CSMD3: variants seen among roughly 807,000 people sequenced by gnomAD.
CSMD3 encodes CUB and sushi domain-containing protein 3.
CSMD3 carries 177 observed loss-of-function variants against 435.2 expected under a neutral mutation model. The ratio of observed to expected loss-of-function variants is 0.41; its 90% CI spans 0.36 to 0.46. The LOEUF is 0.46. Among genes scored for constraint, CSMD3 ranks in the 20% least tolerant of loss-of-function variants. The probability of loss-of-function intolerance (pLI) is 0.34; values close to 1 mark genes in which losing one functional copy is unlikely to be tolerated. For missense variants in CSMD3, 4,265 were observed against 4,504.6 expected, an observed-to-expected ratio of 0.95 and a Z score of 1.52; for synonymous variants, 1,656 against 1,520.5, an observed-to-expected ratio of 1.09 and a Z score of -2.07.
At position 112,224,134 on chromosome 8, in the gene CSMD3, C is replaced by G. The variant is rs1290379090; in HGVS notation, c.*637G>C. On this transcript the variant is annotated 3_prime_UTR_variant, in exon 71 of 71. Transcript: ENST00000297405. ...TGCCCTTTGCAGAAACTATGACAAC[C>G]AGTCTAAAAGAAGAAGAGCAATATG... is the stretch of plus-strand genomic sequence containing the variant. 1 of 153,766 alleles carries G rather than the reference C, an allele frequency of 6.5e-6. No individual in the cohort carries two copies. Among genetic ancestry groups the G allele is most frequent in the African/African-American group, 2.4e-5 (1 of 41,404 alleles). 9.5% of individuals were successfully genotyped at this position (153,766 alleles called of 1,614,324 possible).
At chr8:112,755,924 A>G (rs1026743224) in intron 13 of CSMD3, among the ~76,000 whole-genome samples, 3 of 151,316 alleles carry the variant, frequency 2.0e-5, no homozygotes, top group Non-Finnish European at 4.4e-5. Flanking sequence ...ATTTTATTTT[A>G]TTTTATTTTA....
chr8:112,822,685 C>T (rs1032780407), intron 12 of CSMD3, among the ~76,000 whole-genome samples: 5 of 151,994 alleles, frequency 3.3e-5, no homozygotes, highest in East Asian at 1.9e-4. Context: ...TGAATAGGAG[C>T]GGTGAGAGAG....
intron 22 of CSMD3, among the ~76,000 whole-genome samples, chr8:112,608,455 A>G (rs1291020444): frequency 6.6e-6 from 1 of 152,124 alleles, no homozygotes; most frequent in Admixed American, 6.5e-5. Context: ...CAGAATTCAT[A>G]TAAAGCCATA....
At chr8:113,317,544 ATTC>A (rs1316859760) in intron 1 of CSMD3, among the ~76,000 whole-genome samples, 2 of 152,116 alleles carry the variant, frequency 1.3e-5, no homozygotes, top group Admixed American at 6.5e-5. Flanking sequence ...CCTTATCTGT[ATTC>A]TTCTTTTTAC....
At chr8:112,680,740 A>T (rs1255952046) in intron 16 of CSMD3, among the ~76,000 whole-genome samples, 2 of 152,198 alleles carry the variant, frequency 1.3e-5, no homozygotes, top group African/African-American at 4.8e-5. Flanking sequence ...AAACATAATT[A>T]CACGGTCTGG....
At chr8:112,844,092 A>G (rs1463150185) in intron 11 of CSMD3, among the ~76,000 whole-genome samples, 1 of 151,872 alleles carries the variant, frequency 6.6e-6, no homozygotes, top group East Asian at 1.9e-4. Context: ...AATAATATTA[A>G]CTATTCATAC....
intron 13 of CSMD3, among the ~76,000 whole-genome samples, chr8:112,712,513 G>A (rs2076631063): frequency 6.6e-6 from 1 of 152,086 alleles, no homozygotes; most frequent in Non-Finnish European, 1.5e-5. Context: ...CGCAACTGTA[G>A]GATGGAAGTT....
At chr8:112,998,332 AG>A (rs1390013346) in intron 6 of CSMD3, among the ~76,000 whole-genome samples, 2 of 151,946 alleles carry the variant, frequency 1.3e-5, no homozygotes, top group Non-Finnish European at 2.9e-5. Context: ...ATCACATCCC[AG>A]GACACCTCTG....
At position 112,472,582 on chromosome 8, in the gene CSMD3, C is replaced by A. The variant is rs1818633607; in HGVS notation, c.5395+9G>T. On this transcript the variant is annotated intron_variant, in intron 32 of 70. Transcript: ENST00000297405. Reference sequence around the variant, plus strand: ...TGAAATACTACATAATGAGTCGAATCTTACTTACCAAACTCCTTTGGAACT... The same window carrying A: ...TGAAATACTACATAATGAGTCGAATATTACTTACCAAACTCCTTTGGAACT... The A allele has an allele frequency of 1.4e-6, 2 of 1,379,430 alleles. No homozygotes were observed. Among genetic ancestry groups the A allele is most frequent in the Non-Finnish European group, 2.1e-6 (2 of 966,156 alleles). The allele number at this position is 1,379,430 out of a possible 1,614,324, so 85.4% of individuals were successfully genotyped here. A position where few individuals can be genotyped will look rare whatever the true frequency, so the allele number is the denominator to read the frequency against.
At chr8:112,703,668 T>C (rs1164840437) in intron 13 of CSMD3, among the ~76,000 whole-genome samples, 2 of 152,122 alleles carry the variant, frequency 1.3e-5, no homozygotes, top group Non-Finnish European at 2.9e-5. Context: ...CTGTAAAACT[T>C]GCAGTTTTGC....
rs192964443 is a variant in CSMD3, at chr8:112,488,731, C to A, written c.5278+3758G>T. ...TAGCAAAAGCAATCACTAGAATAAC[C>A]CCAAATAATATAACACTGAAACATT... On this transcript the variant is annotated intron_variant, in intron 31 of 70. Transcript: ENST00000297405. Among the ~76,000 whole-genome samples the A allele has an allele frequency of 8.4e-3, 1,271 of 152,186 alleles. 8 individuals carry two copies. The highest frequency in any genetic ancestry group is 0.015 in the Non-Finnish European group (995 of 68,024).
chr8:112,955,731 C>A (rs2083992150), intron 7 of CSMD3, among the ~76,000 whole-genome samples: 1 of 151,734 alleles, frequency 6.6e-6, no homozygotes, highest in Non-Finnish European at 1.5e-5. Context: ...ATAACTTGCT[C>A]AGTTACAGTG....
chr8:112,486,488 T>C (rs2130822222), intron 31 of CSMD3, among the ~76,000 whole-genome samples: 1 of 152,270 alleles, frequency 6.6e-6, no homozygotes, highest in African/African-American at 2.4e-5. Flanking sequence ...GTAATATTAT[T>C]ATTACCAGCT....
Position 113,098,729 on chromosome 8 carries a change from C to A in CSMD3, c.917+27G>T, listed in dbSNP as rs368858806. 2.1e-5 allele frequency: 31 copies of A among 1,460,716 alleles called. 1 individual carries two copies. The African/African-American group carries it at 4.0e-4, about 19-fold the overall frequency. 90.5% of individuals were successfully genotyped at this position (1,460,716 alleles called of 1,614,324 possible). ...TTAGTTTGCTTCAACAACATCAATG[C>A]AAGGTTAATAGAAGCTATTTACTTA... On this transcript the variant is annotated intron_variant, in intron 5 of 70. Coordinates refer to ENST00000297405, the MANE Select transcript of CSMD3 (RefSeq NM_198123.2).
intron 45 of CSMD3, among the ~76,000 whole-genome samples, chr8:112,326,124 AT>A (rs1287614951): frequency 6.6e-6 from 1 of 152,180 alleles, no homozygotes; most frequent in Non-Finnish European, 1.5e-5. Context: ...TATTTACAGA[AT>A]TATGAATAAA....
chr8:113,243,514 T>C (rs879352807), intron 3 of CSMD3, among the ~76,000 whole-genome samples: 1 of 152,076 alleles, frequency 6.6e-6, no homozygotes, highest in Non-Finnish European at 1.5e-5. Flanking sequence ...CATCAGTTGA[T>C]TGATATTCAT....
intron 2 of CSMD3, among the ~76,000 whole-genome samples, chr8:113,291,397 T>G (rs2132531593): frequency 6.6e-6 from 1 of 151,998 alleles, no homozygotes; most frequent in Middle Eastern, 3.4e-3. Context: ...TTGGGGGAAT[T>G]AAAATTTTCT....
chr8:112,606,557 T>G (rs1434078416), intron 22 of CSMD3, among the ~76,000 whole-genome samples: 1 of 152,062 alleles, frequency 6.6e-6, no homozygotes, highest in Admixed American at 6.6e-5. Flanking sequence ...ACCTAACAGA[T>G]AGAGCATTTC....
chr8:113,067,087 T>C (rs1025216175), intron 5 of CSMD3, among the ~76,000 whole-genome samples: 1 of 151,670 alleles, frequency 6.6e-6, no homozygotes, highest in African/African-American at 2.4e-5. Context: ...AATTCCAATA[T>C]TTTTTGTCTT....
Sources: gnomAD v4.1 joint callset for allele counts (sites outside exome capture counted in the v4.1 genomes callset) on GRCh38, gnomAD v4.1.1 for gene constraint, MANE v1.5 for transcripts, NCBI Gene and HGNC (gene_info 2026-07-23, HGNC 2026-07-21) for gene names.